Variants in PTPN13 observed in about 807,000 individuals in gnomAD.
PTPN13 encodes tyrosine-protein phosphatase non-receptor type 13.
Under a neutral mutation model 284.0 loss-of-function variants are expected in PTPN13, and 191 were observed. The observed-to-expected ratio is 0.67, with a 90% confidence interval of 0.60 to 0.76. The LOEUF (loss-of-function observed/expected upper bound fraction) is 0.76. PTPN13 is among the 30% of genes least tolerant of loss of function. The pLI, the probability that PTPN13 is intolerant of heterozygous loss-of-function variation, is 0.00. For missense variants in PTPN13, 2,797 were observed against 2,939.9 expected, an observed-to-expected ratio of 0.95 and a Z score of 1.12; for synonymous variants, 986 against 1,022.3, an observed-to-expected ratio of 0.96 and a Z score of 0.68.
rs1043631316 is a variant in PTPN13, at chr4:86,637,005, C to T, written c.115+1634C>T. ...AAAATGATAAAGGGGATATCACCAC[C>T]GATCCCACAGAAATACAAACTACCA... On this transcript the variant is annotated intron_variant, in intron 2 of 47. Transcript: ENST00000411767. 7.2e-5 allele frequency among the ~76,000 whole-genome samples: 11 copies of T among 151,804 alleles called. 1 individual carries two copies. Among genetic ancestry groups the T allele is most frequent in the East Asian group, 1.9e-4 (1 of 5,190 alleles).
chr4:86,668,380 C>T (rs1196691112), intron 2 of PTPN13, among the ~76,000 whole-genome samples: 1 of 152,056 alleles, frequency 6.6e-6, no homozygotes, highest in Non-Finnish European at 1.5e-5. Flanking sequence ...TCTAAATTCC[C>T]TCACTTGCAG....
intron 40 of PTPN13, among the ~76,000 whole-genome samples, chr4:86,792,046 TAACA>T (rs1472881162): frequency 2.6e-5 from 4 of 151,898 alleles, no homozygotes; most frequent in Non-Finnish European, 4.4e-5. Flanking sequence ...AGGTCGGTAA[TAACA>T]AACTTTCCCA....
chr4:86,755,412 TA>T (rs5860035), intron 20 of PTPN13, among the ~76,000 whole-genome samples: 43,295 of 151,550 alleles, frequency 0.29, 6,246 homozygotes, highest in Admixed American at 0.31. Context: ...CAAAAATATG[TA>T]AAAACTTTTC....
Position 86,745,036 on chromosome 4 carries a change from T to C in PTPN13, c.2558T>C (p.Ile853Thr). The C allele has an allele frequency of 6.2e-7, 1 of 1,608,560 alleles. No individual in the cohort carries two copies. Residue 853 changes from isoleucine (I) to threonine (T), a missense_variant, in exon 17 of 48, where the codon ATA becomes ACA. Coordinates refer to ENST00000411767, the MANE Select transcript of PTPN13 (RefSeq NM_080683.3). ...GGCTTCCAGACAGACAACAGTAAGATATGCCAGTACCTGCTGCACCTCTGC... is the reference window on the plus strand; with the variant it reads ...GGCTTCCAGACAGACAACAGTAAGACATGCCAGTACCTGCTGCACCTCTGC... Reference protein sequence around the residue: ...KHGFQTDNSKICQYLLHLCSY... With the variant: ...KHGFQTDNSKTCQYLLHLCSY...
chr4:86,778,426 G>A (rs769771366), intron 35 of PTPN13, among the ~76,000 whole-genome samples: 126 of 152,306 alleles, frequency 8.3e-4, no homozygotes, highest in Non-Finnish European at 1.6e-3. Flanking sequence ...TCCAAGTCCC[G>A]TAAAAATGAT....
At chr4:86,716,891 A>G in intron 8 of PTPN13, 133 bp from the exon 9 acceptor site, 1 of 655,918 alleles carries the variant, frequency 1.5e-6, no homozygotes, top group Non-Finnish European at 2.6e-6. Context: ...GAGTTTAATA[A>G]CATTATGTCA....
intron 23 of PTPN13, among the ~76,000 whole-genome samples, chr4:86,761,122 A>ATG (rs1169228191): frequency 7.9e-4 from 99 of 125,572 alleles, no homozygotes; most frequent in East Asian, 2.2e-3. Context: ...TATATATGTG[A>ATG]TGTGTGTGTG....
intron 1 of PTPN13, among the ~76,000 whole-genome samples, chr4:86,600,044 G>C (rs1049372633): frequency 6.6e-6 from 1 of 152,058 alleles, no homozygotes; most frequent in African/African-American, 2.4e-5. Flanking sequence ...CAGAAATTCT[G>C]AGTTATCAAA....
At chr4:86,761,277 A>G (rs1014077363) in intron 23 of PTPN13, among the ~76,000 whole-genome samples, 2 of 151,426 alleles carry the variant, frequency 1.3e-5, no homozygotes, top group Non-Finnish European at 2.9e-5. Context: ...GTACATGCAT[A>G]TCTTTTTAAT....
In PTPN13 at chr4:86,716,534, A is replaced by G. The variant is rs539705133; in HGVS notation, c.1200A>G (p.Pro400=). The change falls in exon 8 of 48, where the codon CCA becomes CCG. Residue 400 remains proline, a synonymous_variant. Coordinates refer to ENST00000411767, the MANE Select transcript of PTPN13 (RefSeq NM_080683.3). ...VLREAMNVEE[P]VRRYKTYHGD... is the part of the protein sequence containing the mutation. ...TTTTTGTTTTAATCCTTTTAGAACC[A>G]GTTCGAAGATACAAAACTTATCATG... The G allele has an allele frequency of 2.0e-5, 32 of 1,567,958 alleles. No homozygotes were observed. The highest frequency in any genetic ancestry group is 2.5e-5 in the Non-Finnish European group (29 of 1,154,134).
chr4:86,635,521 G>A, intron 2 of PTPN13, 150 bp downstream of exon 2: 2 of 1,218,432 alleles, frequency 1.6e-6, no homozygotes, highest in South Asian at 3.2e-5. Flanking sequence ...CTCTTTTAGG[G>A]CTGAAAAAGC....
intron 17 of PTPN13, among the ~76,000 whole-genome samples, chr4:86,747,696 G>C (rs1736940149): frequency 6.6e-6 from 1 of 152,126 alleles, no homozygotes; most frequent in South Asian, 2.1e-4. Flanking sequence ...AGATATAACA[G>C]GTTTACCCCC....
Position 86,762,683 on chromosome 4 carries a change from G to T in PTPN13, c.3554-44G>T, listed in dbSNP as rs766670913. 3 of 1,406,808 alleles carry T rather than the reference G, an allele frequency of 2.1e-6. No homozygotes were observed. In the Admixed American group the frequency reaches 5.5e-5, roughly 26 times the overall value. The allele number at this position is 1,406,808 out of a possible 1,614,324, so 87.1% of individuals were successfully genotyped here. A position where few individuals can be genotyped will look rare whatever the true frequency, so the allele number is the denominator to read the frequency against. On this transcript the variant is annotated intron_variant, in intron 23 of 47. Transcript: ENST00000411767. ...ACATTGTGTATGTGTGTAAGCACGT[G>T]TATCACTAACTTGTTACTCTCATTG...
At chr4:86,797,355 G>T (rs1451579629) in intron 41 of PTPN13, among the ~76,000 whole-genome samples, 1 of 152,020 alleles carries the variant, frequency 6.6e-6, no homozygotes, top group Non-Finnish European at 1.5e-5. Flanking sequence ...AGCTGGGTGT[G>T]GTGACACATG....
Position 86,734,873 on chromosome 4 carries a change from G to T in PTPN13, c.2149G>T (p.Glu717Ter). The change falls in exon 14 of 48, where the codon GAG (glutamate) becomes TAG (stop). Residue 717 changes from glutamate (E) to a stop codon, truncating the protein, a stop_gained and splice_region_variant. Coordinates refer to ENST00000411767, the MANE Select transcript of PTPN13 (RefSeq NM_080683.3). LOFTEE classifies it high-confidence loss of function. ...GGCTGAGTATGGAGATTATCAACCA[G>T]AGGTAGGATTTGTGTTTTTTTCCAG... ...LQAEYGDYQP[E>*]VHGVSYFRME... 6.2e-7 allele frequency: 1 copy of T among 1,609,526 alleles called. No homozygotes were observed. Among genetic ancestry groups the T allele is most frequent in the Non-Finnish European group, 8.5e-7 (1 of 1,176,618 alleles).
chr4:86,640,035 T>A (rs1034981762), intron 2 of PTPN13, among the ~76,000 whole-genome samples: 1 of 152,084 alleles, frequency 6.6e-6, no homozygotes, highest in Non-Finnish European at 1.5e-5. Context: ...ACTGATTGAG[T>A]ACAGGAAGGT....
At chr4:86,794,927 C>A (rs952202431) in intron 40 of PTPN13, among the ~76,000 whole-genome samples, 12 of 152,162 alleles carry the variant, frequency 7.9e-5, no homozygotes, top group African/African-American at 2.9e-4. Flanking sequence ...AAATGTAAGA[C>A]CTAACACCAT....
intron 17 of PTPN13, among the ~76,000 whole-genome samples, chr4:86,746,313 A>G (rs1434175879): frequency 2.0e-5 from 3 of 152,250 alleles, no homozygotes; most frequent in Non-Finnish European, 2.9e-5. Flanking sequence ...TCTTATAGGT[A>G]TAAGTGAAAC....
intron 27 of PTPN13, among the ~76,000 whole-genome samples, chr4:86,767,465 C>G (rs1376130214): frequency 1.3e-5 from 2 of 151,904 alleles, no homozygotes; most frequent in African/African-American, 4.8e-5. Context: ...AGGCTGGTCT[C>G]CAACTTCTGA....
Sources: allele counts gnomAD v4.1 joint callset (sites outside exome capture counted in the v4.1 genomes callset), GRCh38; gene constraint gnomAD v4.1.1; transcripts MANE v1.5; gene names NCBI Gene and HGNC (gene_info 2026-07-23, HGNC 2026-07-21).